The following SIK3 variants were observed in gnomAD, a reference collection of about 807,000 sequenced individuals.
SIK3 encodes SIK family kinase 3.
SIK3 carries 28 observed loss-of-function variants against 144.2 expected under a neutral mutation model. That is an observed-to-expected ratio of 0.19 (90% CI 0.14 to 0.27). SIK3 has a LOEUF of 0.27. Ranked by LOEUF, SIK3 falls within the 10% of genes least tolerant of loss-of-function variation. The probability of loss-of-function intolerance (pLI) is 1.00; values close to 1 mark genes in which losing one functional copy is unlikely to be tolerated. For synonymous variants in SIK3, 686 were observed against 676.3 expected (o/e 1.01, Z -0.22); for missense variants, 1,319 against 1,776.0 (o/e 0.74, Z 4.62).
At chr11:116,947,921 A>G (rs1442565480) in intron 3 of SIK3, among the ~76,000 whole-genome samples, 1 of 143,216 alleles carries the variant, frequency 7.0e-6, no homozygotes, top group Non-Finnish European at 1.5e-5. Context: ...GAATTTGTCC[A>G]TTTCATCTAA....
intron 1 of SIK3, among the ~76,000 whole-genome samples, chr11:116,974,416 T>G (rs972143937): frequency 6.6e-6 from 1 of 152,166 alleles, no homozygotes; most frequent in Admixed American, 6.5e-5. Context: ...ACCCTTTTTT[T>G]CCCCCTTTTG....
intron 1 of SIK3, among the ~76,000 whole-genome samples, chr11:116,962,731 G>A (rs866897906): frequency 6.6e-6 from 1 of 151,896 alleles, no homozygotes; most frequent in East Asian, 1.9e-4. Flanking sequence ...AGACTGATGC[G>A]CTATAAATGT....
intron 3 of SIK3, among the ~76,000 whole-genome samples, chr11:116,946,110 T>C (rs532730805): frequency 6.6e-6 from 1 of 152,356 alleles, no homozygotes; most frequent in South Asian, 2.1e-4. Context: ...CTCATTGATC[T>C]TGCTTTAGAG....
chr11:116,952,292 C>T (rs1249259150), intron 3 of SIK3, among the ~76,000 whole-genome samples: 1 of 152,146 alleles, frequency 6.6e-6, no homozygotes, highest in African/African-American at 2.4e-5. Context: ...GTATCAGCTA[C>T]TCAGATGGCT....
At chr11:117,092,485 G>A (rs369905563) in intron 1 of SIK3, among the ~76,000 whole-genome samples, 4 of 152,052 alleles carry the variant, frequency 2.6e-5, no homozygotes, top group Non-Finnish European at 4.4e-5. Flanking sequence ...TCTCTAGTCC[G>A]TTTATTTTCT....
At chr11:117,071,992 C>T (rs1954302330) in intron 1 of SIK3, among the ~76,000 whole-genome samples, 1 of 151,914 alleles carries the variant, frequency 6.6e-6, no homozygotes. Flanking sequence ...AGGAAACACA[C>T]ACTGGTGAAA....
At chr11:116,948,486 A>G (rs1279409976) in intron 3 of SIK3, among the ~76,000 whole-genome samples, 4 of 152,046 alleles carry the variant, frequency 2.6e-5, no homozygotes, top group African/African-American at 7.2e-5. Flanking sequence ...TATGTTGTCC[A>G]TGCTGGTACT....
chr11:116,870,516 T>C lies in SIK3; in HGVS notation c.1738-115A>G, dbSNP rs970851273. ...TGTTAACTTTCTTATTTACAGAACT[T>C]TTCTAGACTCCTGGGTTATACAGGA... On this transcript the variant is annotated intron_variant, in intron 13 of 24. Transcript: ENST00000445177. 4 of 1,392,298 alleles carry C rather than the reference T, an allele frequency of 2.9e-6. No individual in the cohort carries two copies. In the African/African-American group the frequency reaches 4.3e-5, roughly 15 times the overall value. 86.2% of individuals were successfully genotyped at this position (1,392,298 alleles called of 1,614,324 possible).
At position 116,849,430 on chromosome 11, in the gene SIK3, CT is replaced by C; in HGVS notation, c.3656-148del. 1 of 1,006,910 alleles carries C rather than the reference CT, an allele frequency of 9.9e-7. No homozygotes were observed. Among genetic ancestry groups the C allele is most frequent in the Non-Finnish European group, 1.4e-6 (1 of 692,932 alleles). 62.4% of individuals were successfully genotyped at this position (1,006,910 alleles called of 1,614,324 possible). A position where few individuals can be genotyped will look rare whatever the true frequency, so the allele number is the denominator to read the frequency against. On this transcript the variant is annotated intron_variant, in intron 21 of 24. Transcript: ENST00000445177. This position sits in a 1 kb window ranked among gnomAD's most constrained non-coding sequence, Gnocchi z 4.2. Reference sequence around the variant, plus strand: ...CGCTGATCCTCAGCCGGCGTCATGGCTTAGAGGAGCCTGGACCAGCCCTCCA... The same window carrying C: ...CGCTGATCCTCAGCCGGCGTCATGGCTAGAGGAGCCTGGACCAGCCCTCCA...
intron 15 of SIK3, chr11:116,864,197 C>A (rs1385775386): frequency 1.3e-5 from 2 of 157,728 alleles, no homozygotes; most frequent in South Asian, 1.9e-4. Context: ...CCTTTAGAAA[C>A]CTTAAATTCA....
chr11:116,901,593 ATCTAC>A (rs1026547825), intron 4 of SIK3, among the ~76,000 whole-genome samples: 1 of 152,166 alleles, frequency 6.6e-6, no homozygotes, highest in Non-Finnish European at 1.5e-5. Context: ...AATGTCCCCT[ATCTAC>A]TCTGTCTGTA....
At chr11:117,050,094 A>C (rs1953161310) in intron 1 of SIK3, among the ~76,000 whole-genome samples, 1 of 152,234 alleles carries the variant, frequency 6.6e-6, no homozygotes, top group African/African-American at 2.4e-5. Context: ...GTTTGAGACC[A>C]GCCTGGCCAA....
Position 116,849,221 on chromosome 11 carries a change from G to A in SIK3, c.3718C>T (p.His1240Tyr), listed in dbSNP as rs1459600986. 1 of 1,614,076 alleles carries A rather than the reference G, an allele frequency of 6.2e-7. No individual in the cohort carries two copies. The highest frequency in any genetic ancestry group is 8.5e-7 in the Non-Finnish European group (1 of 1,180,036). The change falls in exon 22 of 25, where the codon CAC becomes TAC. Residue 1240 changes from histidine (H) to tyrosine (Y), a missense_variant. Physicochemically the swap from His to Tyr is moderately conservative, Grantham distance 83. Around this residue, in one of 8 missense-constraint regions of SIK3, gnomAD observed 646 missense variants for 763.7 expected, o/e 0.85. Transcript: ENST00000445177. This position sits in a 1 kb window ranked among gnomAD's most constrained non-coding sequence, Gnocchi z 4.2. The part of the protein sequence containing the change: ...SPGQAVELPD[H>Y]NGLGYPARPS... The stretch of plus-strand genomic sequence containing the variant: ...CGTGCTGGGTACCCGAGCCCATTGT[G>A]ATCCGGCAGCTCCACTGCTTGTCCT...
At chr11:116,847,306 C>T (rs1043088222) in intron 23 of SIK3, among the ~76,000 whole-genome samples, 170 bp downstream of exon 23, 2 of 152,186 alleles carry the variant, frequency 1.3e-5, no homozygotes, top group East Asian at 3.9e-4. Flanking sequence ...CCTTTACACA[C>T]CCACACTCAG....
intron 1 of SIK3, among the ~76,000 whole-genome samples, chr11:117,034,972 C>A (rs1165576055): frequency 6.6e-6 from 1 of 152,164 alleles, no homozygotes; most frequent in African/African-American, 2.4e-5. Flanking sequence ...TGTGATGTTA[C>A]CATGTTTTAC....
intron 4 of SIK3, among the ~76,000 whole-genome samples, chr11:116,909,000 G>A (rs953330714): frequency 3.3e-5 from 5 of 152,066 alleles, no homozygotes; most frequent in Admixed American, 3.3e-4. Context: ...AAAGCAATAG[G>A]GGCTTCTGCT....
intron 1 of SIK3, among the ~76,000 whole-genome samples, chr11:116,976,139 T>C (rs2135488439): frequency 6.6e-6 from 1 of 152,358 alleles, no homozygotes; most frequent in South Asian, 2.1e-4. Context: ...TTGCAAACAT[T>C]TTCTTCCATT....
At position 116,846,638 on chromosome 11, in the gene SIK3, C is replaced by T. The variant is rs1941986068; in HGVS notation, c.3953-85G>A. ...GGGGAGAGAGAGGAGGAATTGAAGG[C>T]AACCTGTCGAGCATCCCACAGCCTG... On this transcript the variant is annotated intron_variant, in intron 23 of 24. Coordinates refer to ENST00000445177, the MANE Select transcript of SIK3 (RefSeq NM_001366686.3). The surrounding 1 kb of genome is among the most constrained non-coding windows in gnomAD (Gnocchi z 4.1). 9.3e-6 allele frequency: 14 copies of T among 1,504,742 alleles called. No homozygotes were observed. The highest frequency in any genetic ancestry group is 1.1e-5 in the Non-Finnish European group (12 of 1,098,102). The allele number at this position is 1,504,742 out of a possible 1,614,324, so 93.2% of individuals were successfully genotyped here. A position where few individuals can be genotyped will look rare whatever the true frequency, so the allele number is the denominator to read the frequency against.
chr11:116,906,145 G>C (rs1946019400), intron 4 of SIK3, among the ~76,000 whole-genome samples: 1 of 152,282 alleles, frequency 6.6e-6, no homozygotes, highest in South Asian at 2.1e-4. Context: ...GATTAGGTTA[G>C]GTGTGAGGTG....
Sources: allele counts gnomAD v4.1 joint callset (sites outside exome capture counted in the v4.1 genomes callset), GRCh38; gene constraint gnomAD v4.1.1; regional missense constraint gnomAD v4.1.1; non-coding constraint Gnocchi (gnomAD v3.1); transcripts MANE v1.5; gene names NCBI Gene and HGNC (gene_info 2026-07-23, HGNC 2026-07-21).